PINX1: variants seen among roughly 807,000 people sequenced by gnomAD.
PINX1 encodes the protein PIN2/TERF1-interacting telomerase inhibitor 1.
PINX1 carries 34 observed loss-of-function variants against 25.4 expected under a neutral mutation model. That is an observed-to-expected ratio of 1.34 (90% CI 1.02 to 1.78). The LOEUF is 1.78. Among genes scored for constraint, PINX1 ranks in the 40% most tolerant of loss-of-function variants. The pLI is 0.00. For missense variants in PINX1, 592 were observed against 404.9 expected, an observed-to-expected ratio of 1.46 and a Z score of -3.97; for synonymous variants, 197 against 147.7, an observed-to-expected ratio of 1.33 and a Z score of -2.42.
chr8:10,787,137 G>A (rs183992625), intron 6 of PINX1, among the ~76,000 whole-genome samples: 93 of 151,928 alleles, frequency 6.1e-4, no homozygotes, highest in African/African-American at 2.2e-3. Flanking sequence ...ATAAATAGCA[G>A]AAATGTCTAT....
chr8:10,790,324 T>C (rs1355159997), intron 6 of PINX1, among the ~76,000 whole-genome samples: 1 of 152,192 alleles, frequency 6.6e-6, no homozygotes, highest in Non-Finnish European at 1.5e-5. Flanking sequence ...GGCTCTGACA[T>C]GCACTGATGA....
intron 6 of PINX1, among the ~76,000 whole-genome samples, chr8:10,784,172 A>T (rs1801677142): frequency 6.6e-6 from 1 of 152,234 alleles, no homozygotes; most frequent in South Asian, 2.1e-4. Context: ...TAACACACAG[A>T]TCTCCATAGC....
intron 1 of PINX1, among the ~76,000 whole-genome samples, chr8:10,835,045 A>G (rs568977352): frequency 6.6e-6 from 1 of 152,340 alleles, no homozygotes; most frequent in Admixed American, 6.5e-5. Context: ...CAAATGCTCA[A>G]TATACTAGAG....
chr8:10,802,273 G>A (rs1162330267), intron 6 of PINX1, among the ~76,000 whole-genome samples: 1 of 152,182 alleles, frequency 6.6e-6, no homozygotes, highest in Admixed American at 6.5e-5. Context: ...ACCGCACCTG[G>A]GGAACAATTG....
intron 6 of PINX1, among the ~76,000 whole-genome samples, chr8:10,806,432 T>C (rs766950422): frequency 6.6e-6 from 1 of 152,168 alleles, no homozygotes. Flanking sequence ...TGTTTTAAAA[T>C]GGGAATGATG....
intron 6 of PINX1, among the ~76,000 whole-genome samples, chr8:10,812,143 T>C (rs1013213896): frequency 7.2e-5 from 11 of 152,338 alleles, no homozygotes; most frequent in African/African-American, 2.6e-4. Context: ...CTAAGACAGA[T>C]GACTTGCTAT....
chr8:10,825,389 T>G (rs778118884), intron 5 of PINX1: 7 of 534,676 alleles, frequency 1.3e-5, no homozygotes, highest in Admixed American at 1.9e-5. Context: ...ATCAGCAGCA[T>G]CATCACGCTT....
In PINX1 at chr8:10,813,888, G is replaced by C. The variant is rs567645920; in HGVS notation, c.471+6305C>G. The stretch of plus-strand genomic sequence containing the variant: ...GAGAGAGGAAGGAAACTGGGAAGGT[G>C]GGGGAGGGAAAAAAATGAGAGAGGA... On this transcript the variant is annotated intron_variant, in intron 6 of 6. Coordinates refer to ENST00000314787, the MANE Select transcript of PINX1 (RefSeq NM_017884.6). Among the ~76,000 whole-genome samples, 11 of 149,606 alleles carry C rather than the reference G, an allele frequency of 7.4e-5. No homozygotes were observed. The South Asian group carries it at 2.2e-3, about 29-fold the overall frequency.
At chr8:10,806,783 C>T (rs899374306) in intron 6 of PINX1, among the ~76,000 whole-genome samples, 10 of 152,070 alleles carry the variant, frequency 6.6e-5, no homozygotes, top group Admixed American at 3.9e-4. Context: ...GCAGGGGAGG[C>T]GCTCCTGACA....
At chr8:10,776,556 T>C (rs568181947) in intron 6 of PINX1, among the ~76,000 whole-genome samples, 10 of 152,310 alleles carry the variant, frequency 6.6e-5, no homozygotes, top group East Asian at 5.8e-4. Context: ...GCTGTCAGAA[T>C]TGTACAGCCA....
chr8:10,839,037 G>A (rs1382619557), intron 1 of PINX1, among the ~76,000 whole-genome samples: 2 of 152,276 alleles, frequency 1.3e-5, no homozygotes, highest in East Asian at 1.9e-4. Flanking sequence ...CGCTTTTCAG[G>A]ATCAAAGCAT....
intron 6 of PINX1, among the ~76,000 whole-genome samples, chr8:10,789,215 G>T (rs1801845873): frequency 6.6e-6 from 1 of 152,230 alleles, no homozygotes; most frequent in East Asian, 1.9e-4. Flanking sequence ...GTAACTGAGG[G>T]GACCCTGCAT....
intron 6 of PINX1, among the ~76,000 whole-genome samples, chr8:10,772,348 G>C (rs1458995997): frequency 3.9e-5 from 6 of 152,230 alleles, no homozygotes; most frequent in Non-Finnish European, 8.8e-5. Context: ...GGCTGAGCTA[G>C]GCAGTGATTC....
intron 1 of PINX1, among the ~76,000 whole-genome samples, chr8:10,837,514 T>C (rs966713258): frequency 2.0e-5 from 3 of 152,228 alleles, no homozygotes; most frequent in Non-Finnish European, 4.4e-5. Flanking sequence ...AATCTGGGGA[T>C]GATCTTGGGG....
intron 6 of PINX1, among the ~76,000 whole-genome samples, chr8:10,782,430 A>AT (rs1339096147): frequency 2.4e-4 from 34 of 143,628 alleles, no homozygotes; most frequent in Non-Finnish European, 4.0e-4. Context: ...TAAAAAAAAA[A>AT]ATTTTTTTTT....
intron 1 of PINX1, among the ~76,000 whole-genome samples, chr8:10,838,380 G>A (rs1372747703): frequency 6.6e-6 from 1 of 152,204 alleles, no homozygotes; most frequent in Non-Finnish European, 1.5e-5. Context: ...ACACTCTCTT[G>A]AAATCATGTA....
In PINX1 at chr8:10,834,483, A is replaced by C. The variant is rs6601534; in HGVS notation, c.129+183T>G. The stretch of plus-strand genomic sequence containing the variant: ...TAAGCATGGCAGCTTAAATGATAGA[A>C]AGTTGACACTTATGTCCAATCCTAA... On this transcript the variant is annotated intron_variant, in intron 2 of 6. Transcript: ENST00000314787. 3.5e-4 allele frequency: 283 copies of C among 816,032 alleles called. 1 individual carries two copies. The Middle Eastern group carries it at 6.1e-3, about 18-fold the overall frequency. 50.5% of individuals were successfully genotyped at this position (816,032 alleles called of 1,614,324 possible). A position where few individuals can be genotyped will look rare whatever the true frequency, so the allele number is the denominator to read the frequency against.
intron 6 of PINX1, among the ~76,000 whole-genome samples, chr8:10,769,122 A>G (rs1801147284): frequency 6.6e-6 from 1 of 152,228 alleles, no homozygotes; most frequent in Non-Finnish European, 1.5e-5. Context: ...GTTCCATATA[A>G]AATACTACCA....
chr8:10,814,673 T>G (rs1451008804), intron 6 of PINX1, among the ~76,000 whole-genome samples: 1 of 152,224 alleles, frequency 6.6e-6, no homozygotes, highest in Non-Finnish European at 1.5e-5. Context: ...ACTTATTTAT[T>G]AGAACGTTTC....
Sources: allele counts gnomAD v4.1 joint callset (sites outside exome capture counted in the v4.1 genomes callset), GRCh38; gene constraint gnomAD v4.1.1; transcripts MANE v1.5; gene names NCBI Gene and HGNC (gene_info 2026-07-23, HGNC 2026-07-21).